Variants in MYPN observed in about 807,000 individuals in gnomAD.
The protein encoded by MYPN is myopalladin.
In MYPN, 63 loss-of-function variants were observed where a neutral mutation model predicts 129.4. The observed-to-expected ratio is 0.49, with a 90% CI of 0.40 to 0.60. MYPN has a LOEUF of 0.60. Ranked by LOEUF, MYPN falls within the 20% of genes least tolerant of loss-of-function variation. The pLI, the probability that MYPN is intolerant of heterozygous loss-of-function variation, is 0.00. For synonymous variants in MYPN, 629 were observed against 600.9 expected, an observed-to-expected ratio of 1.05 and a Z score of -0.68; for missense variants, 1,596 against 1,635.4, an observed-to-expected ratio of 0.98 and a Z score of 0.42.
intron 2 of MYPN, among the ~76,000 whole-genome samples, chr10:68,133,075 G>A (rs1166497818): frequency 2.0e-5 from 3 of 147,932 alleles, no homozygotes; most frequent in Non-Finnish European, 3.0e-5. Flanking sequence ...ACCCAGGCTG[G>A]AGTGCAGTGG....
chr10:68,136,500 TA>T, intron 2 of MYPN: 1 of 1,326,536 alleles, frequency 7.5e-7, no homozygotes, highest in Non-Finnish European at 9.8e-7. Flanking sequence ...CATAGCAGGG[TA>T]AATTTAATAC....
chr10:68,143,205 G>A, intron 3 of MYPN, 90 bp downstream of exon 3: 1 of 1,287,660 alleles, frequency 7.8e-7, no homozygotes, highest in Non-Finnish European at 1.1e-6. Context: ...CCTCTACCAT[G>A]CGCTCTTCTA....
rs142446098 is a variant in MYPN, at chr10:68,145,401, C to A, written c.1079-74C>A. ...GTAAACAAAGTATCATCTTAAAAAT[C>A]TTATGTCGTGTTTAGGAACCAATTT... On this transcript the variant is annotated intron_variant, in intron 3 of 19. Transcript: ENST00000358913. 8.0e-4 allele frequency: 949 copies of A among 1,186,596 alleles called. 2 individuals are homozygous for A. The African/African-American group carries it at 0.013, about 16-fold the overall frequency. The allele number at this position is 1,186,596 out of a possible 1,614,324, so 73.5% of individuals were successfully genotyped here. A position where few individuals can be genotyped will look rare whatever the true frequency, so the allele number is the denominator to read the frequency against.
intron 7 of MYPN, 38 bp downstream of exon 7, chr10:68,158,665 T>C: frequency 7.1e-7 from 1 of 1,416,832 alleles, no homozygotes; most frequent in East Asian, 2.4e-5. Context: ...GATATTTTGT[T>C]TTTATGAACT....
At chr10:68,122,467 C>A in intron 2 of MYPN, 127 bp downstream of exon 2, 1 of 924,520 alleles carries the variant, frequency 1.1e-6, no homozygotes, top group Non-Finnish European at 1.7e-6. Context: ...TAGTCGGTAT[C>A]TAAAGCAGCT....
intron 2 of MYPN, among the ~76,000 whole-genome samples, chr10:68,125,665 G>A (rs2042315352): frequency 6.6e-6 from 1 of 152,212 alleles, no homozygotes; most frequent in Admixed American, 6.5e-5. Context: ...AGTGTCAGGT[G>A]TCAGAGAAGG....
chr10:68,091,676 A>G (rs1001319836), intron 1 of MYPN, among the ~76,000 whole-genome samples: 4 of 151,476 alleles, frequency 2.6e-5, no homozygotes, highest in African/African-American at 9.7e-5. Flanking sequence ...GATTATAGGC[A>G]TGAGCAACTG....
chr10:68,158,685 C>A, intron 7 of MYPN, 58 bp downstream of exon 7: 1 of 1,236,504 alleles, frequency 8.1e-7, no homozygotes, highest in Non-Finnish European at 1.1e-6. Flanking sequence ...TTATTGTACA[C>A]ACTTATTTTT....
At chr10:68,190,811 A>G (rs2043498509) in intron 13 of MYPN, among the ~76,000 whole-genome samples, 1 of 152,182 alleles carries the variant, frequency 6.6e-6, no homozygotes, top group Admixed American at 6.5e-5. Flanking sequence ...GTAGTTTCAT[A>G]GTTTCAGGCC....
At chr10:68,098,246 C>CA (rs1408389846) in intron 1 of MYPN, among the ~76,000 whole-genome samples, 8 of 150,144 alleles carry the variant, frequency 5.3e-5, no homozygotes, top group East Asian at 2.0e-4. Context: ...ACTCTGTCTC[C>CA]AAAAAAAAGA....
At chr10:68,153,491 T>G (rs545402400) in intron 6 of MYPN, among the ~76,000 whole-genome samples, 1 of 152,150 alleles carries the variant, frequency 6.6e-6, no homozygotes, top group South Asian at 2.1e-4. Flanking sequence ...AGAAATAGCT[T>G]CATGGTGGGA....
At chr10:68,143,199 T>C in intron 3 of MYPN, 84 bp downstream of exon 3, 2 of 1,318,084 alleles carry the variant, frequency 1.5e-6, no homozygotes, top group Non-Finnish European at 2.1e-6. Flanking sequence ...GGGCCTCCTC[T>C]ACCATGCGCT....
At chr10:68,163,986 G>C (rs564635629) in intron 8 of MYPN, among the ~76,000 whole-genome samples, 72 of 152,268 alleles carry the variant, frequency 4.7e-4, no homozygotes, top group African/African-American at 1.5e-3. Flanking sequence ...TACCATCTGA[G>C]GCTGAGAGGA....
rs141436627 is a variant in MYPN at position 68,148,502 on chromosome 10, A to G, written c.1245+35A>G. On this transcript the variant is annotated intron_variant, in intron 5 of 19. Transcript: ENST00000358913. ...TCCAAGCGAAACACAAGTGCCATCC[A>G]CTGTGACAGACAGTCATGGTGACCA... is the stretch of plus-strand genomic sequence containing the variant. 12 of 1,522,754 alleles carry G rather than the reference A, an allele frequency of 7.9e-6. No homozygotes were observed. The African/African-American group carries it at 1.5e-4, about 19-fold the overall frequency. The allele number at this position is 1,522,754 out of a possible 1,614,324, so 94.3% of individuals were successfully genotyped here. A position where few individuals can be genotyped will look rare whatever the true frequency, so the allele number is the denominator to read the frequency against.
intron 18 of MYPN, among the ~76,000 whole-genome samples, chr10:68,202,215 G>A (rs1253921385): frequency 6.6e-6 from 1 of 152,126 alleles, no homozygotes; most frequent in African/African-American, 2.4e-5. Flanking sequence ...GGTGGATCAC[G>A]AGGTCAGGAG....
upstream of MYPN, chr10:68,106,431 C>T: frequency 2.3e-6 from 1 of 434,350 alleles, no homozygotes; most frequent in Admixed American, 3.5e-5. Flanking sequence ...AATCCACCAC[C>T]CATCTATTGT....
chr10:68,158,663 G>T, intron 7 of MYPN, 36 bp downstream of exon 7: 1 of 1,456,180 alleles, frequency 6.9e-7, no homozygotes, highest in Non-Finnish European at 9.5e-7. Context: ...CTGATATTTT[G>T]TTTTTATGAA....
chr10:68,193,840 T>C (rs61857182), intron 13 of MYPN, among the ~76,000 whole-genome samples: 23 of 23,498 alleles, frequency 9.8e-4, no homozygotes, highest in Admixed American at 6.3e-3. Context: ...CACACACACA[T>C]AGATATTTAC....
rs766311744 is a variant in MYPN at position 68,121,501 on chromosome 10, A to G, written c.63A>G (p.Leu21=). The change falls in exon 2 of 20, where the codon TTA becomes TTG. Residue 21 remains leucine, a synonymous_variant. Coordinates refer to ENST00000358913, the MANE Select transcript of MYPN (RefSeq NM_032578.4). ...CTCAGCTTCTAAGAGAGAGCTATTT[A>G]GCTGAAACCAGACATCGGGGAAACA... ...SISQLLRESY[L]AETRHRGNNE... The G allele has an allele frequency of 1.2e-6, 2 of 1,614,204 alleles. No homozygotes were observed. The highest frequency in any genetic ancestry group is 1.7e-6 in the Non-Finnish European group (2 of 1,180,020).
Sources: allele counts gnomAD v4.1 joint callset (sites outside exome capture counted in the v4.1 genomes callset), GRCh38; gene constraint gnomAD v4.1.1; transcripts MANE v1.5; gene names NCBI Gene and HGNC (gene_info 2026-07-23, HGNC 2026-07-21).